The following RPA3 variants were observed in gnomAD, a reference collection of about 807,000 sequenced individuals.
The protein encoded by RPA3 is replication protein A 14 kDa subunit.
RPA3 carries 24 observed loss-of-function variants against 13.7 expected under a neutral mutation model. That is an observed-to-expected ratio of 1.75 (90% CI 1.27 to 2.46). The LOEUF (loss-of-function observed/expected upper bound fraction) is 2.46, where lower values mean the gene tolerates loss of function less well. RPA3 is among the 30% of genes most tolerant of loss of function. The probability of loss-of-function intolerance (pLI) is 0.00; values close to 1 mark genes in which losing one functional copy is unlikely to be tolerated. For synonymous variants in RPA3, 59 were observed against 51.2 expected, an observed-to-expected ratio of 1.15 and a Z score of -0.65; for missense variants, 183 against 151.0, an observed-to-expected ratio of 1.21 and a Z score of -1.11.
chr7:7,638,095 CCAG>C, intron 6 of RPA3, 123 bp from the exon 7 acceptor site: 1 of 602,810 alleles, frequency 1.7e-6, no homozygotes, highest in Non-Finnish European at 2.8e-6. Flanking sequence ...TTAAGAATTA[CCAG>C]TGTAAAAGTT....
chr7:7,718,181 G>A (rs1347667733), intron 1 of RPA3, among the ~76,000 whole-genome samples: 1 of 152,142 alleles, frequency 6.6e-6, no homozygotes, highest in Non-Finnish European at 1.5e-5. Flanking sequence ...GAACTTGAGT[G>A]ATTTTTCCAA....
chr7:7,677,882 C>T (rs1365529558), intron 4 of RPA3, among the ~76,000 whole-genome samples: 2 of 151,190 alleles, frequency 1.3e-5, no homozygotes, highest in Non-Finnish European at 2.9e-5. Flanking sequence ...ACCGTTTTAG[C>T]CGGGATGGTC....
chr7:7,662,152 C>A (rs1055701596), intron 4 of RPA3, among the ~76,000 whole-genome samples: 8 of 152,092 alleles, frequency 5.3e-5, no homozygotes, highest in Non-Finnish European at 1.0e-4. Context: ...TGGCAGATGC[C>A]CTTCCCCCCA....
chr7:7,694,758 G>A lies in RPA3; in HGVS notation c.-1027-7430C>T, dbSNP rs114353301. ...CTGAATAGTACTCCATTGTGCATAC[G>A]TACCACGTTTTCTTCATCCATTCAT... On this transcript the variant is annotated intron_variant, in intron 2 of 7. Coordinates refer to ENST00000223129, the MANE Select transcript of RPA3 (RefSeq NM_002947.5). Among the ~76,000 whole-genome samples the A allele has an allele frequency of 2.0e-3, 301 of 152,122 alleles. 3 individuals carry two copies. The highest frequency in any genetic ancestry group is 7.0e-3 in the African/African-American group (289 of 41,498).
In RPA3 at chr7:7,639,111, C is replaced by G. The variant is rs1784911182; in HGVS notation, c.133G>C (p.Asp45His). 3 of 1,612,544 alleles carry G rather than the reference C, an allele frequency of 1.9e-6. No individual in the cohort carries two copies. The African/African-American group carries it at 4.0e-5, about 22-fold the overall frequency. Residue 45 changes from aspartate (D) to histidine (H), a missense_variant, in exon 6 of 8, where the codon GAT (aspartate) becomes CAT (histidine). Asp to His is a moderately conservative substitution (Grantham distance 81). Transcript: ENST00000223129. ...ATGGTTCCATTTTTTCCTTCTCCAT[C>G]TGAAAGAATAAACATTTTTCCGGTG... Reference protein sequence around the residue: ...HPTGKMFILSDGEGKNGTIEL... With the variant: ...HPTGKMFILSHGEGKNGTIEL...
chr7:7,689,409 T>G (rs1000162636), intron 2 of RPA3: 4 of 152,304 alleles, frequency 2.6e-5, no homozygotes, highest in African/African-American at 9.6e-5. Flanking sequence ...GATGACATTG[T>G]TGAACTGACA....
At chr7:7,653,173 A>C (rs1240126231) in intron 4 of RPA3, among the ~76,000 whole-genome samples, 1 of 152,218 alleles carries the variant, frequency 6.6e-6, no homozygotes, top group Non-Finnish European at 1.5e-5. Context: ...TGCAACACCA[A>C]ATGAAGTTGC....
At chr7:7,645,509 C>G (rs1583687844) in intron 4 of RPA3, among the ~76,000 whole-genome samples, 2 of 152,142 alleles carry the variant, frequency 1.3e-5, no homozygotes, top group East Asian at 3.8e-4. Context: ...CAAGTAAATC[C>G]ACGTTCTATG....
chr7:7,668,031 C>G (rs1186801451), intron 4 of RPA3, among the ~76,000 whole-genome samples: 1 of 152,136 alleles, frequency 6.6e-6, no homozygotes, highest in African/African-American at 2.4e-5. Flanking sequence ...GTCCTCCAAC[C>G]TCAGCCTCCC....
At chr7:7,647,608 A>G (rs1785125292) in intron 4 of RPA3, among the ~76,000 whole-genome samples, 1 of 152,096 alleles carries the variant, frequency 6.6e-6, no homozygotes, top group South Asian at 2.1e-4. Context: ...CTTTTGCTAT[A>G]TATATACATT....
chr7:7,647,829 T>A (rs975981436), intron 4 of RPA3, among the ~76,000 whole-genome samples: 2 of 152,222 alleles, frequency 1.3e-5, no homozygotes, highest in African/African-American at 4.8e-5. Flanking sequence ...GGTCCATAAC[T>A]GCTAGGCTCA....
intron 2 of RPA3, among the ~76,000 whole-genome samples, chr7:7,704,316 A>G (rs963609933): frequency 1.8e-4 from 28 of 152,292 alleles, no homozygotes; most frequent in Non-Finnish European, 3.1e-4. Context: ...TAATAAATAT[A>G]TTTAAAATTT....
intron 2 of RPA3, among the ~76,000 whole-genome samples, chr7:7,687,540 C>T (rs781616319): frequency 3.2e-4 from 49 of 152,114 alleles, no homozygotes; most frequent in Non-Finnish European, 5.4e-4. Context: ...ACTGGAAGGC[C>T]GATCTATGCT....
chr7:7,686,240 C>T (rs1334773438), intron 3 of RPA3, among the ~76,000 whole-genome samples: 2 of 152,102 alleles, frequency 1.3e-5, no homozygotes, highest in African/African-American at 4.8e-5. Context: ...GATACATAGG[C>T]AGGGCCAGTA....
intron 4 of RPA3, among the ~76,000 whole-genome samples, chr7:7,669,436 C>T (rs1006133987): frequency 3.3e-5 from 5 of 152,118 alleles, no homozygotes; most frequent in Admixed American, 2.6e-4. Context: ...CTGTAGGTTA[C>T]GTTTTTATAC....
In RPA3 at chr7:7,686,151, T is replaced by G. The variant is rs558840887; in HGVS notation, c.-926-153A>C. On this transcript the variant is annotated intron_variant, in intron 3 of 7. Transcript: ENST00000223129. ...TGAGAATTGCTGGAATAATTATTTT[T>G]ATAAGGTATGGTAGAGGAGCAAAAC... is the stretch of plus-strand genomic sequence containing the variant. 2.0e-5 allele frequency among the ~76,000 whole-genome samples: 3 copies of G among 152,312 alleles called. No individual in the cohort carries two copies. In the East Asian group the frequency reaches 5.8e-4, roughly 29 times the overall value.
chr7:7,707,946 T>A (rs1227862512), intron 2 of RPA3, among the ~76,000 whole-genome samples: 1 of 152,198 alleles, frequency 6.6e-6, no homozygotes, highest in African/African-American at 2.4e-5. Flanking sequence ...TTTAAGCATG[T>A]TTAGTTTGCA....
chr7:7,646,139 G>T (rs1785088709), intron 4 of RPA3, among the ~76,000 whole-genome samples: 1 of 152,218 alleles, frequency 6.6e-6, no homozygotes. Flanking sequence ...AAATAGCTCA[G>T]TAGAGTCAGT....
chr7:7,699,309 G>C (rs1780399540), intron 2 of RPA3, among the ~76,000 whole-genome samples: 2 of 151,964 alleles, frequency 1.3e-5, no homozygotes, highest in African/African-American at 4.8e-5. Flanking sequence ...TTATCCAACT[G>C]ATTTAAAATT....
Sources: gnomAD v4.1 joint callset for allele counts (sites outside exome capture counted in the v4.1 genomes callset) on GRCh38, gnomAD v4.1.1 for gene constraint, MANE v1.5 for transcripts, NCBI Gene and HGNC (gene_info 2026-07-23, HGNC 2026-07-21) for gene names.